Variants in ARHGAP24 observed in about 807,000 individuals in gnomAD.
ARHGAP24 encodes Rho GTPase activating protein 24, also known as rho GTPase-activating protein 24.
Under a neutral mutation model 76.4 loss-of-function variants are expected in ARHGAP24, and 50 were observed. That is an observed-to-expected ratio of 0.65 (90% CI 0.52 to 0.83). The LOEUF (loss-of-function observed/expected upper bound fraction) is 0.83, where lower values mean the gene tolerates loss of function less well. Ranked by LOEUF, ARHGAP24 falls within the 40% of genes least tolerant of loss-of-function variation. The pLI is 0.00. For synonymous variants in ARHGAP24, 345 were observed against 323.3 expected (o/e 1.07, Z -0.72); for missense variants, 930 against 914.2 (o/e 1.02, Z -0.22).
At chr4:85,564,928 A>ATG (rs1466838950) in intron 1 of ARHGAP24, among the ~76,000 whole-genome samples, 6 of 40,806 alleles carry the variant, frequency 1.5e-4, no homozygotes, top group Non-Finnish European at 2.7e-4. Context: ...CACACGGTAT[A>ATG]TATATATATA....
At chr4:85,969,548 A>G (rs2164534) in intron 5 of ARHGAP24, among the ~76,000 whole-genome samples, 31,805 of 152,034 alleles carry the variant, frequency 0.21, 3,587 homozygotes, top group South Asian at 0.39. Flanking sequence ...GAAGGCAAAC[A>G]AATCTGAGTC....
At chr4:85,725,412 C>T (rs6531862) in intron 3 of ARHGAP24, among the ~76,000 whole-genome samples, 40,320 of 152,128 alleles carry the variant, frequency 0.27, 6,057 homozygotes, top group African/African-American at 0.38. Context: ...GACCTTTTCT[C>T]CCCTGTTCCC....
chr4:85,637,460 CTTCTAAGTA>C (rs1050922039), intron 2 of ARHGAP24, among the ~76,000 whole-genome samples: 70 of 152,014 alleles, frequency 4.6e-4, no homozygotes, highest in African/African-American at 1.6e-3. Flanking sequence ...ATATATTTAC[CTTCTAAGTA>C]TTCTTCAATA....
intron 8 of ARHGAP24, among the ~76,000 whole-genome samples, chr4:85,978,599 A>G (rs1274744075): frequency 1.3e-5 from 2 of 152,190 alleles, no homozygotes; most frequent in Non-Finnish European, 2.9e-5. Flanking sequence ...CAGACATTAG[A>G]AAACATGAAA....
chr4:85,518,320 G>A (rs1037522180), intron 1 of ARHGAP24, among the ~76,000 whole-genome samples: 19 of 151,966 alleles, frequency 1.3e-4, no homozygotes, highest in African/African-American at 3.4e-4. Context: ...CTAGTTAGAT[G>A]ACATTTTATA....
At chr4:85,701,113 G>A (rs900204) in intron 2 of ARHGAP24, among the ~76,000 whole-genome samples, 27,056 of 151,928 alleles carry the variant, frequency 0.18, 3,043 homozygotes, top group East Asian at 0.58. Flanking sequence ...TTAAAGAAAA[G>A]GTTTATAGGA....
chr4:85,655,793 A>ATATATATATATATATATAGG (rs1491385228), intron 2 of ARHGAP24, among the ~76,000 whole-genome samples: 1 of 27,496 alleles, frequency 3.6e-5, no homozygotes, highest in African/African-American at 1.6e-4. Context: ...ATATATATAT[A>ATATATATATATATATATAGG]GAGAGAGAGA....
chr4:85,981,915 G>A (rs150380188), intron 8 of ARHGAP24, among the ~76,000 whole-genome samples: 5 of 152,142 alleles, frequency 3.3e-5, no homozygotes, highest in Admixed American at 1.3e-4. Flanking sequence ...TCTATGGGGC[G>A]CTTTGGGGAT....
chr4:85,506,867 G>C (rs780504699), intron 1 of ARHGAP24, among the ~76,000 whole-genome samples: 4 of 144,380 alleles, frequency 2.8e-5, no homozygotes, highest in Middle Eastern at 3.5e-3. Context: ...GTTCCTATTC[G>C]GCTATCTTGG....
chr4:85,996,864 T>C (rs1740691686), intron 9 of ARHGAP24, among the ~76,000 whole-genome samples: 8 of 152,168 alleles, frequency 5.3e-5, no homozygotes, highest in Admixed American at 5.2e-4. Flanking sequence ...CTGGGAAGCT[T>C]ATATTTTGAG....
intron 1 of ARHGAP24, among the ~76,000 whole-genome samples, chr4:85,503,766 ATTTGT>A (rs1035137158): frequency 2.6e-5 from 4 of 151,968 alleles, no homozygotes; most frequent in African/African-American, 9.7e-5. Flanking sequence ...TAACTTTTGT[ATTTGT>A]TTGCTCTTGC....
chr4:85,732,665 A>G (rs549530130), intron 3 of ARHGAP24, among the ~76,000 whole-genome samples: 2 of 150,762 alleles, frequency 1.3e-5, no homozygotes, highest in African/African-American at 2.4e-5. Flanking sequence ...TATTTCAAAC[A>G]TAGGATTAAT....
intron 3 of ARHGAP24, among the ~76,000 whole-genome samples, chr4:85,741,782 G>A (rs150774042): frequency 3.5e-4 from 54 of 152,284 alleles, no homozygotes; most frequent in African/African-American, 1.2e-3. Flanking sequence ...CATGAATATA[G>A]GAGAGGAAAA....
chr4:85,953,566 AC>A (rs771212113), intron 5 of ARHGAP24, among the ~76,000 whole-genome samples: 2 of 151,688 alleles, frequency 1.3e-5, no homozygotes, highest in African/African-American at 2.4e-5. Context: ...AGAAACCCAG[AC>A]CCCACTTGCT....
intron 3 of ARHGAP24, among the ~76,000 whole-genome samples, chr4:85,741,827 G>A (rs1725837568): frequency 6.6e-6 from 1 of 152,070 alleles, no homozygotes; most frequent in South Asian, 2.1e-4. Flanking sequence ...TACAGGCACT[G>A]GTACTTTTTT....
chr4:85,987,995 A>G (rs956964174), intron 8 of ARHGAP24, among the ~76,000 whole-genome samples: 13 of 152,072 alleles, frequency 8.5e-5, no homozygotes, highest in African/African-American at 2.2e-4. Context: ...TAGAAATTAT[A>G]TAACCAAAAG....
intron 1 of ARHGAP24, among the ~76,000 whole-genome samples, chr4:85,507,489 G>A (rs187588379): frequency 3.3e-5 from 5 of 152,276 alleles, no homozygotes; most frequent in Admixed American, 1.3e-4. Flanking sequence ...TATTTAGTGT[G>A]TATTTGTGAA....
intron 2 of ARHGAP24, among the ~76,000 whole-genome samples, chr4:85,610,312 C>T (rs1449202825): frequency 4.6e-5 from 7 of 151,472 alleles, no homozygotes; most frequent in South Asian, 4.2e-4. Context: ...GGTGTGGTGG[C>T]GGACACCTGT....
chr4:85,626,114 T>C (rs536108171), intron 2 of ARHGAP24, among the ~76,000 whole-genome samples: 5 of 152,380 alleles, frequency 3.3e-5, no homozygotes, highest in African/African-American at 4.8e-5. Context: ...CCTGTCATTA[T>C]GATGTTAGCT....
Sources: allele counts gnomAD v4.1 joint callset (sites outside exome capture counted in the v4.1 genomes callset), GRCh38; gene constraint gnomAD v4.1.1; transcripts MANE v1.5; gene names NCBI Gene and HGNC (gene_info 2026-07-23, HGNC 2026-07-21).